Variants in MAP2K5 observed in about 807,000 individuals in gnomAD.
The protein encoded by MAP2K5 is mitogen-activated protein kinase kinase 5.
In MAP2K5, 49 loss-of-function variants were observed where a neutral mutation model predicts 83.1. The observed-to-expected ratio is 0.59, with a 90% confidence interval of 0.47 to 0.75. The LOEUF (loss-of-function observed/expected upper bound fraction) is 0.75. Among genes scored for constraint, MAP2K5 ranks in the 30% least tolerant of loss-of-function variants. The probability of loss-of-function intolerance (pLI) is 0.00; values close to 1 mark genes in which losing one functional copy is unlikely to be tolerated. For synonymous variants in MAP2K5, 202 were observed against 191.8 expected (o/e 1.05, Z -0.44); for missense variants, 457 against 557.5 (o/e 0.82, Z 1.82).
At chr15:67,645,760 T>C (rs1242119198) in intron 9 of MAP2K5, among the ~76,000 whole-genome samples, 1 of 151,726 alleles carries the variant, frequency 6.6e-6, no homozygotes, top group Non-Finnish European at 1.5e-5. Flanking sequence ...GCTATGGTGC[T>C]TAGACTGGCC....
Position 67,572,571 on chromosome 15 carries a change from C to T in MAP2K5, c.253-8183C>T, listed in dbSNP as rs2084970467. Among the ~76,000 whole-genome samples, 2 of 152,118 alleles carry T rather than the reference C, an allele frequency of 1.3e-5. No individual in the cohort carries two copies. Among genetic ancestry groups the T allele is most frequent in the African/African-American group, 4.8e-5 (2 of 41,404 alleles). On this transcript the variant is annotated intron_variant, in intron 3 of 21. Coordinates refer to ENST00000178640, the MANE Select transcript of MAP2K5 (RefSeq NM_145160.3). This position sits in a 1 kb window ranked among gnomAD's most constrained non-coding sequence, Gnocchi z 4.2. ...CCGAAAGTAGGAGGATGAATGTGCC[C>T]ACCCTACGTATGATGTTTGTTTATG...
At chr15:67,671,930 A>T (rs1422815543) in intron 13 of MAP2K5, among the ~76,000 whole-genome samples, 2 of 150,792 alleles carry the variant, frequency 1.3e-5, no homozygotes, top group African/African-American at 4.9e-5. Context: ...TTTTGTCCTC[A>T]TGATAGTTTA....
chr15:67,781,848 G>C lies in MAP2K5; in HGVS notation c.1242+9096G>C, dbSNP rs1202126232. On this transcript the variant is annotated intron_variant, in intron 21 of 21. Coordinates refer to ENST00000178640, the MANE Select transcript of MAP2K5 (RefSeq NM_145160.3). This position sits in a 1 kb window ranked among gnomAD's most constrained non-coding sequence, Gnocchi z 4.0. ...GAGGGGGAGGGGGATTCAATTAATA[G>C]CAGGACTTTCTAATTGTGGGATTGG... Among the ~76,000 whole-genome samples the C allele has an allele frequency of 6.6e-6, 1 of 152,176 alleles. No homozygotes were observed. Among genetic ancestry groups the C allele is most frequent in the Non-Finnish European group, 1.5e-5 (1 of 68,022 alleles).
At chr15:67,576,387 G>C (rs1319504143) in intron 3 of MAP2K5, among the ~76,000 whole-genome samples, 1 of 147,870 alleles carries the variant, frequency 6.8e-6, no homozygotes, top group African/African-American at 2.5e-5. Context: ...GAACACTGTA[G>C]TAAACTTGCA....
At chr15:67,705,848 G>C in intron 16 of MAP2K5, among the ~76,000 whole-genome samples, 1 of 152,206 alleles carries the variant, frequency 6.6e-6, no homozygotes, top group Non-Finnish European at 1.5e-5. Context: ...AAGCTCAAAG[G>C]CACCAAGATA....
At chr15:67,686,615 TAATAATAATAATAATAA>T (rs1251402893) in intron 13 of MAP2K5, among the ~76,000 whole-genome samples, 2 of 5,800 alleles carry the variant, frequency 3.4e-4, no homozygotes, top group Non-Finnish European at 1.1e-3. Flanking sequence ...ATAATAATAA[TAATAATAATAATAATAA>T]TAATAATAAT....
intron 20 of MAP2K5, among the ~76,000 whole-genome samples, chr15:67,772,245 A>G (rs2090155919): frequency 1.3e-5 from 2 of 152,196 alleles, no homozygotes; most frequent in African/African-American, 4.8e-5. Context: ...AGTAACAGTG[A>G]AAGAATGAGA....
chr15:67,709,015 A>C (rs2088625839), intron 16 of MAP2K5, among the ~76,000 whole-genome samples: 1 of 152,228 alleles, frequency 6.6e-6, no homozygotes, highest in African/African-American at 2.4e-5. Context: ...AGTTATCCTT[A>C]GGAAGGGAAA....
intron 15 of MAP2K5, among the ~76,000 whole-genome samples, chr15:67,697,407 C>T (rs992572802): frequency 5.3e-5 from 8 of 152,172 alleles, no homozygotes; most frequent in African/African-American, 1.7e-4. Context: ...AAGTGACTTA[C>T]CCAAGTTCAC....
intron 7 of MAP2K5, among the ~76,000 whole-genome samples, chr15:67,596,709 G>A (rs1443708874): frequency 1.3e-5 from 2 of 152,146 alleles, no homozygotes; most frequent in Non-Finnish European, 2.9e-5. Context: ...CTCTCTTTCA[G>A]CAGGAGCAGA....
chr15:67,614,329 T>A (rs2086004526), intron 8 of MAP2K5, among the ~76,000 whole-genome samples: 1 of 152,228 alleles, frequency 6.6e-6, no homozygotes, highest in Non-Finnish European at 1.5e-5. Flanking sequence ...TATTAATTAT[T>A]AGAATAAGGA....
rs193024178 is a variant in MAP2K5, at chr15:67,676,449, C to T, written c.847+11804C>T. Among the ~76,000 whole-genome samples, 22 of 152,136 alleles carry T rather than the reference C, an allele frequency of 1.4e-4. No homozygotes were observed. The highest frequency in any genetic ancestry group is 3.9e-4 in the African/African-American group (16 of 41,500). ...GAGATTTATCCTTGGGACATTTTGC[C>T]AAGCAGAATGGACAGACAGCTTTAG... On this transcript the variant is annotated intron_variant, in intron 13 of 21. Coordinates refer to ENST00000178640, the MANE Select transcript of MAP2K5 (RefSeq NM_145160.3). The surrounding 1 kb of genome is among the most constrained non-coding windows in gnomAD (Gnocchi z 4.8).
At chr15:67,631,458 A>G (rs573789195) in intron 9 of MAP2K5, among the ~76,000 whole-genome samples, 16 of 152,130 alleles carry the variant, frequency 1.1e-4, no homozygotes, top group Non-Finnish European at 2.2e-4. Context: ...TCTGCCACAG[A>G]TTTGAGAAGT....
At chr15:67,620,794 A>G (rs761382322) in intron 8 of MAP2K5, among the ~76,000 whole-genome samples, 1 of 152,220 alleles carries the variant, frequency 6.6e-6, no homozygotes, top group African/African-American at 2.4e-5. Flanking sequence ...TAAGTCAGGT[A>G]TGATTGTTAA....
Position 67,665,419 on chromosome 15 carries a change from C to T in MAP2K5, c.847+774C>T, listed in dbSNP as rs1322863051. Reference sequence around the variant, plus strand: ...TTACTAACAGTGCTGTTTAATTTTACACATCTGCTCATCTTAGCTGTATGT... The same window carrying T: ...TTACTAACAGTGCTGTTTAATTTTATACATCTGCTCATCTTAGCTGTATGT... On this transcript the variant is annotated intron_variant, in intron 13 of 21. Coordinates refer to ENST00000178640, the MANE Select transcript of MAP2K5 (RefSeq NM_145160.3). The surrounding 1 kb of genome is among the most constrained non-coding windows in gnomAD (Gnocchi z 4.2). 6.6e-6 allele frequency among the ~76,000 whole-genome samples: 1 copy of T among 152,150 alleles called. No homozygotes were observed. The highest frequency in any genetic ancestry group is 1.5e-5 in the Non-Finnish European group (1 of 68,030).
At chr15:67,696,292 G>A (rs1378286034) in intron 15 of MAP2K5, among the ~76,000 whole-genome samples, 1 of 151,994 alleles carries the variant, frequency 6.6e-6, no homozygotes, top group East Asian at 1.9e-4. Flanking sequence ...AGCTCTTACT[G>A]CCTATTTTTG....
chr15:67,602,322 A>G (rs544089330), intron 8 of MAP2K5, among the ~76,000 whole-genome samples: 3 of 152,354 alleles, frequency 2.0e-5, no homozygotes, highest in East Asian at 1.9e-4. Context: ...TGGAGGGAGC[A>G]CTTTTCAAAG....
intron 9 of MAP2K5, chr15:67,642,392 C>A: frequency 1.3e-6 from 2 of 1,589,476 alleles, no homozygotes; most frequent in South Asian, 1.1e-5. Flanking sequence ...CATAGCCACT[C>A]TAATCTTGAG....
rs952622267 is a variant in MAP2K5 at position 67,577,005 on chromosome 15, G to A, written c.253-3749G>A. 2.5e-4 allele frequency among the ~76,000 whole-genome samples: 36 copies of A among 141,748 alleles called. 2 individuals are homozygous for A. The highest frequency in any genetic ancestry group is 9.1e-4 in the African/African-American group (36 of 39,358). The allele number at this position is 141,748 out of a possible 152,430, so 93.0% of individuals were successfully genotyped here. A position where few individuals can be genotyped will look rare whatever the true frequency, so the allele number is the denominator to read the frequency against. ...CTGCGGACTGCAGTGGCGCAATCTC[G>A]GCTCACTGCAAGCTCCGCTTCCCGG... On this transcript the variant is annotated intron_variant, in intron 3 of 21. Coordinates refer to ENST00000178640, the MANE Select transcript of MAP2K5 (RefSeq NM_145160.3). This position sits in a 1 kb window ranked among gnomAD's most constrained non-coding sequence, Gnocchi z 4.1.
Sources: gnomAD v4.1 joint callset for allele counts (sites outside exome capture counted in the v4.1 genomes callset) on GRCh38, gnomAD v4.1.1 for gene constraint, Gnocchi (gnomAD v3.1) non-coding constraint, MANE v1.5 for transcripts, NCBI Gene and HGNC (gene_info 2026-07-23, HGNC 2026-07-21) for gene names.